The following ARSJ variants were observed in gnomAD, a reference collection of about 807,000 sequenced individuals.
The protein encoded by ARSJ is arylsulfatase J.
ARSJ carries 26 observed loss-of-function variants against 35.9 expected under a neutral mutation model. The observed-to-expected ratio is 0.72, with a 90% CI of 0.53 to 1.00. The LOEUF is 1.00. ARSJ is among the 50% of genes least tolerant of loss of function. ARSJ has a pLI of 0.00. For missense variants in ARSJ, 667 were observed against 723.6 expected (o/e 0.92, Z 0.90); for synonymous variants, 294 against 267.6 (o/e 1.10, Z -0.96).
intron 1 of ARSJ, among the ~76,000 whole-genome samples, chr4:113,935,982 T>C (rs1303662877): frequency 1.3e-5 from 2 of 152,012 alleles, no homozygotes; most frequent in Non-Finnish European, 2.9e-5. Flanking sequence ...GAAGGTTGAA[T>C]GTTAAACAGT....
At chr4:113,919,949 AT>A (rs11413945) in intron 1 of ARSJ, among the ~76,000 whole-genome samples, 14 of 150,472 alleles carry the variant, frequency 9.3e-5, no homozygotes, top group African/African-American at 2.2e-4. Context: ...TTTATTAAAG[AT>A]TTTTTTTTTT....
chr4:113,956,275 G>C (rs575091615), intron 1 of ARSJ, among the ~76,000 whole-genome samples: 1 of 151,996 alleles, frequency 6.6e-6, no homozygotes, highest in Non-Finnish European at 1.5e-5. Context: ...AAAGAGCCAC[G>C]CCACCTCTCC....
In ARSJ at chr4:113,902,049, T is replaced by A. The variant is rs753507267; in HGVS notation, c.*225A>T. Reference sequence around the variant, plus strand: ...TCTAAAGGAGCAAGAGAAATAAACATCTCCACTCTCTCTAAGTGTGGCTTG... The same window carrying A: ...TCTAAAGGAGCAAGAGAAATAAACAACTCCACTCTCTCTAAGTGTGGCTTG... On this transcript the variant is annotated 3_prime_UTR_variant, in exon 2 of 2. Coordinates refer to ENST00000315366, the MANE Select transcript of ARSJ (RefSeq NM_024590.4). 7.3e-7 allele frequency: 1 copy of A among 1,360,878 alleles called. No homozygotes were observed. Among genetic ancestry groups the A allele is most frequent in the Non-Finnish European group, 9.9e-7 (1 of 1,006,426 alleles). The allele number at this position is 1,360,878 out of a possible 1,614,324, so 84.3% of individuals were successfully genotyped here. A position where few individuals can be genotyped will look rare whatever the true frequency, so the allele number is the denominator to read the frequency against.
chr4:113,938,798 G>A (rs1056296658), intron 1 of ARSJ, among the ~76,000 whole-genome samples: 7 of 151,898 alleles, frequency 4.6e-5, no homozygotes, highest in Non-Finnish European at 7.4e-5. Context: ...CATTTATGTG[G>A]CCAAGAACCA....
chr4:113,959,015 G>T (rs908898813), intron 1 of ARSJ, among the ~76,000 whole-genome samples: 48 of 152,016 alleles, frequency 3.2e-4, no homozygotes, highest in African/African-American at 1.1e-3. Flanking sequence ...TTTGTGTTTT[G>T]GGAGCGGGAT....
intron 1 of ARSJ, among the ~76,000 whole-genome samples, chr4:113,964,542 A>G (rs1040205475): frequency 7.2e-5 from 11 of 152,120 alleles, no homozygotes; most frequent in African/African-American, 1.9e-4. Flanking sequence ...GACCTTAAAT[A>G]AGCTTTCAAC....
chr4:113,943,525 G>T (rs1221905468), intron 1 of ARSJ: 1 of 151,860 alleles, frequency 6.6e-6, no homozygotes, highest in Non-Finnish European at 1.5e-5. Flanking sequence ...GATGAGACAG[G>T]GCTTCTCACT....
intron 1 of ARSJ, among the ~76,000 whole-genome samples, chr4:113,950,833 T>C (rs543088401): frequency 9.2e-5 from 14 of 152,164 alleles, no homozygotes; most frequent in South Asian, 6.2e-4. Flanking sequence ...TTATTTTCTC[T>C]GGAGTTTGTT....
intron 1 of ARSJ, among the ~76,000 whole-genome samples, chr4:113,910,774 G>A (rs887491220): frequency 2.0e-5 from 3 of 152,164 alleles, no homozygotes; most frequent in African/African-American, 7.2e-5. Context: ...CCTACACTGT[G>A]CTAGCTTTGG....
Position 113,921,184 on chromosome 4 carries a change from A to T in ARSJ, c.399-17509T>A, listed in dbSNP as rs150749215. On this transcript the variant is annotated intron_variant, in intron 1 of 1. Transcript: ENST00000315366. The stretch of plus-strand genomic sequence containing the variant: ...AAATTATAAGCTTCAAACTTAAATA[A>T]AAGTATGGCCCATAAAAAATTGATT... Among the ~76,000 whole-genome samples the T allele has an allele frequency of 6.7e-3, 1,025 of 152,192 alleles. 17 individuals carry two copies. Among genetic ancestry groups the T allele is most frequent in the African/African-American group, 0.023 (972 of 41,530 alleles).
chr4:113,978,028 C>T (rs1467470659), intron 1 of ARSJ, among the ~76,000 whole-genome samples: 1 of 152,042 alleles, frequency 6.6e-6, no homozygotes, highest in Non-Finnish European at 1.5e-5. Context: ...AAGAATGCAC[C>T]AAGAGTAAAA....
At position 113,902,052 on chromosome 4, in the gene ARSJ, C is replaced by T. The variant is rs1229356235; in HGVS notation, c.*222G>A. ...AAAGGAGCAAGAGAAATAAACATCT[C>T]CACTCTCTCTAAGTGTGGCTTGCAA... On this transcript the variant is annotated 3_prime_UTR_variant, in exon 2 of 2. Transcript: ENST00000315366. 4 of 1,389,432 alleles carry T rather than the reference C, an allele frequency of 2.9e-6. No individual in the cohort carries two copies. The highest frequency in any genetic ancestry group is 2.5e-5 in the East Asian group (1 of 39,338). 86.1% of individuals were successfully genotyped at this position (1,389,432 alleles called of 1,614,324 possible).
intron 1 of ARSJ, among the ~76,000 whole-genome samples, chr4:113,909,798 T>C (rs1057461825): frequency 1.2e-4 from 18 of 152,106 alleles, no homozygotes; most frequent in African/African-American, 4.3e-4. Flanking sequence ...CTAAGCTTCT[T>C]CCTAACTATA....
At chr4:113,905,750 C>T (rs1218552618) in intron 1 of ARSJ, among the ~76,000 whole-genome samples, 4 of 143,636 alleles carry the variant, frequency 2.8e-5, no homozygotes, top group Non-Finnish European at 6.0e-5. Context: ...CCACTGCAAC[C>T]TCTGCCTCCC....
intron 1 of ARSJ, among the ~76,000 whole-genome samples, chr4:113,953,679 C>A (rs1725997538): frequency 6.6e-6 from 1 of 151,912 alleles, no homozygotes; most frequent in Admixed American, 6.6e-5. Flanking sequence ...GTTAAGGCAG[C>A]AAATGTTTAT....
rs574420359 is a variant in ARSJ at position 113,907,376 on chromosome 4, T to C, written c.399-3701A>G. On this transcript the variant is annotated intron_variant, in intron 1 of 1. Transcript: ENST00000315366. ...TGTCTTTTTTTAAAAAGGATCAGCATTAGGTAAATAGCTTAGGAATGATTT... is the reference window on the plus strand; with the variant it reads ...TGTCTTTTTTTAAAAAGGATCAGCACTAGGTAAATAGCTTAGGAATGATTT... Among the ~76,000 whole-genome samples the C allele has an allele frequency of 2.0e-5, 3 of 152,168 alleles. No individual in the cohort carries two copies. In the South Asian group the frequency reaches 6.2e-4, roughly 31 times the overall value.
chr4:113,953,327 C>T (rs1725976579), intron 1 of ARSJ, among the ~76,000 whole-genome samples: 1 of 152,022 alleles, frequency 6.6e-6, no homozygotes, highest in Non-Finnish European at 1.5e-5. Context: ...TTATCATAGG[C>T]TTCTATTTTC....
chr4:113,922,950 G>A (rs574553356), intron 1 of ARSJ, among the ~76,000 whole-genome samples: 29 of 152,188 alleles, frequency 1.9e-4, no homozygotes, highest in Admixed American at 1.1e-3. Context: ...CATTTAAGTC[G>A]GTTGACTTTG....
chr4:113,936,935 C>T (rs971641960), intron 1 of ARSJ, among the ~76,000 whole-genome samples: 11 of 151,742 alleles, frequency 7.2e-5, no homozygotes, highest in African/African-American at 2.4e-4. Flanking sequence ...TGTATTGTAC[C>T]GAGTCTGAGA....
Sources: gnomAD v4.1 joint callset for allele counts (sites outside exome capture counted in the v4.1 genomes callset) on GRCh38, gnomAD v4.1.1 for gene constraint, MANE v1.5 for transcripts, NCBI Gene and HGNC (gene_info 2026-07-23, HGNC 2026-07-21) for gene names.